SCARA5: variants seen among roughly 807,000 people sequenced by gnomAD.
SCARA5 encodes scavenger receptor class A member 5, also known as scavenger receptor class A, member 5 (putative).
SCARA5 carries 45 observed loss-of-function variants against 46.3 expected under a neutral mutation model. That is an observed-to-expected ratio of 0.97 (90% CI 0.76 to 1.24). The LOEUF is 1.24. Ranked by LOEUF, SCARA5 falls within the 50% of genes most tolerant of loss-of-function variation. The probability of loss-of-function intolerance (pLI) is 0.00; values close to 1 mark genes in which losing one functional copy is unlikely to be tolerated. For missense variants in SCARA5, 680 were observed against 689.0 expected (o/e 0.99, Z 0.15); for synonymous variants, 333 against 306.5 (o/e 1.09, Z -0.90).
chr8:27,925,289 GAT>G (rs1213566903), intron 3 of SCARA5, among the ~76,000 whole-genome samples: 1 of 152,296 alleles, frequency 6.6e-6, no homozygotes, highest in African/African-American at 2.4e-5. Flanking sequence ...CCAAAACAGA[GAT>G]ATAGACCAAT....
At chr8:27,987,914 G>A (rs1219301022) in intron 1 of SCARA5, among the ~76,000 whole-genome samples, 1 of 152,176 alleles carries the variant, frequency 6.6e-6, no homozygotes, top group Non-Finnish European at 1.5e-5. Context: ...ACAACTCTCA[G>A]TGGGGCTGGA....
chr8:27,936,592 T>TAAAA (rs71222526), intron 3 of SCARA5, among the ~76,000 whole-genome samples: 2,104 of 31,308 alleles, frequency 0.067, 206 homozygotes, highest in East Asian at 0.16. Flanking sequence ...GTGTCTCCAT[T>TAAAA]AAAAAAAAAA....
chr8:27,929,062 T>C (rs1807726473), intron 3 of SCARA5, among the ~76,000 whole-genome samples: 1 of 152,236 alleles, frequency 6.6e-6, no homozygotes. Context: ...AGAAACCATG[T>C]AGAGATTCAA....
intron 4 of SCARA5, among the ~76,000 whole-genome samples, chr8:27,913,093 C>A (rs1427299110): frequency 1.3e-5 from 2 of 152,210 alleles, no homozygotes; most frequent in South Asian, 4.1e-4. Flanking sequence ...GTATTCCAAG[C>A]GCACCTGAAA....
chr8:27,888,548 A>G (rs2726931), intron 7 of SCARA5, among the ~76,000 whole-genome samples: 19,227 of 152,270 alleles, frequency 0.13, 1,286 homozygotes, highest in East Asian at 0.23. Flanking sequence ...GCCTTTAAAC[A>G]GCCTTGCTTG....
chr8:27,988,299 G>A (rs1808735291), intron 1 of SCARA5, among the ~76,000 whole-genome samples: 1 of 152,184 alleles, frequency 6.6e-6, no homozygotes, highest in African/African-American at 2.4e-5. Flanking sequence ...ACAGCTTTAG[G>A]CCAGGGAGGG....
intron 4 of SCARA5, among the ~76,000 whole-genome samples, chr8:27,918,910 A>AAGAGGAGGAGGAG (rs1491577220): frequency 0.45 from 29 of 64 alleles, 8 homozygotes; most frequent in East Asian, 1. Flanking sequence ...AGGAGGAGGA[A>AAGAGGAGGAGGAG]GGGAAGGAGG....
chr8:27,872,788 A>G (rs879336469), intron 8 of SCARA5, among the ~76,000 whole-genome samples: 1 of 152,150 alleles, frequency 6.6e-6, no homozygotes, highest in Admixed American at 6.5e-5. Context: ...AATAAAGAAG[A>G]CTAACAAATA....
intron 3 of SCARA5, among the ~76,000 whole-genome samples, chr8:27,943,714 G>C (rs1312635216): frequency 3.3e-5 from 5 of 152,124 alleles, no homozygotes; most frequent in Admixed American, 3.3e-4. Flanking sequence ...ACATTGCAGC[G>C]GTCAGAGAGG....
At chr8:27,883,123 G>T (rs1806837345) in intron 7 of SCARA5, among the ~76,000 whole-genome samples, 1 of 152,214 alleles carries the variant, frequency 6.6e-6, no homozygotes, top group Non-Finnish European at 1.5e-5. Flanking sequence ...TAAACTCAGT[G>T]CTTGGCACAC....
At position 27,964,756 on chromosome 8, in the gene SCARA5, C is replaced by T. The variant is rs376725470; in HGVS notation, c.241+1658G>A. ...CTTCTCTTCCCCAAGAGACGATGCC[C>T]TTCCAGGACCTCCAGAGGCCTGCCC... On this transcript the variant is annotated intron_variant, in intron 3 of 8. Transcript: ENST00000354914. Among the ~76,000 whole-genome samples, 456 of 152,200 alleles carry T rather than the reference C, an allele frequency of 3.0e-3. 2 individuals are homozygous for T. The highest frequency in any genetic ancestry group is 5.0e-3 in the Non-Finnish European group (339 of 68,006).
intron 2 of SCARA5, among the ~76,000 whole-genome samples, chr8:27,984,429 G>A (rs1428370979): frequency 6.6e-6 from 1 of 152,206 alleles, no homozygotes; most frequent in African/African-American, 2.4e-5. Flanking sequence ...GATGGTGAAT[G>A]CTTTGCCACA....
intron 3 of SCARA5, among the ~76,000 whole-genome samples, chr8:27,934,188 G>A (rs546886305): frequency 1.3e-5 from 2 of 152,292 alleles, no homozygotes; most frequent in South Asian, 4.2e-4. Context: ...GCAGCTGATG[G>A]GCAGGCCTGG....
intron 8 of SCARA5, among the ~76,000 whole-genome samples, chr8:27,879,238 G>C (rs2129668804): frequency 6.6e-6 from 1 of 152,246 alleles, no homozygotes; most frequent in Admixed American, 6.5e-5. Context: ...AGACATGAGA[G>C]CACGTTATAA....
chr8:27,981,171 C>A (rs1297528399), intron 2 of SCARA5, among the ~76,000 whole-genome samples: 1 of 152,192 alleles, frequency 6.6e-6, no homozygotes, highest in Non-Finnish European at 1.5e-5. Flanking sequence ...TCTCACTTTG[C>A]AGACAAGGAC....
At chr8:27,959,472 T>C (rs1372771404) in intron 3 of SCARA5, among the ~76,000 whole-genome samples, 1 of 152,108 alleles carries the variant, frequency 6.6e-6, no homozygotes, top group East Asian at 1.9e-4. Context: ...GGAGGACAGC[T>C]GTGAACAAGG....
At chr8:27,887,155 G>A (rs141086412) in intron 7 of SCARA5, among the ~76,000 whole-genome samples, 387 of 152,230 alleles carry the variant, frequency 2.5e-3, no homozygotes, top group Non-Finnish European at 4.4e-3. Context: ...TTGCAGCCAC[G>A]TCCCCTAGTA....
In SCARA5 at chr8:27,899,151, T is replaced by C. The variant is rs542171663; in HGVS notation, c.1153+5627A>G. 7.9e-5 allele frequency among the ~76,000 whole-genome samples: 12 copies of C among 152,344 alleles called. No individual in the cohort carries two copies. In the South Asian group the frequency reaches 2.5e-3, roughly 32 times the overall value. ...CAGTTGCTTATATGTTCTGGAAGCT[T>C]GGATTTGAGATTTCATCTGAAGTCA... On this transcript the variant is annotated intron_variant, in intron 7 of 8. Transcript: ENST00000354914.
chr8:27,896,175 T>C (rs920094487), intron 7 of SCARA5, among the ~76,000 whole-genome samples: 1 of 152,160 alleles, frequency 6.6e-6, no homozygotes, highest in Admixed American at 6.5e-5. Flanking sequence ...GAGAAGACAG[T>C]GATGCTATGT....
Sources: allele counts gnomAD v4.1 joint callset (sites outside exome capture counted in the v4.1 genomes callset), GRCh38; gene constraint gnomAD v4.1.1; transcripts MANE v1.5; gene names NCBI Gene and HGNC (gene_info 2026-07-23, HGNC 2026-07-21).